BCAS1: variants seen among roughly 807,000 people sequenced by gnomAD.
The protein encoded by BCAS1 is brain enriched myelin associated protein 1, also known as breast carcinoma-amplified sequence 1.
In BCAS1, 46 loss-of-function variants were observed where a neutral mutation model predicts 65.4. The ratio of observed to expected loss-of-function variants is 0.70; its 90% confidence interval spans 0.55 to 0.90. The LOEUF is 0.90. Ranked by LOEUF, BCAS1 falls within the 40% of genes least tolerant of loss-of-function variation. The pLI is 0.00. For synonymous variants in BCAS1, 298 were observed against 293.5 expected, an observed-to-expected ratio of 1.02 and a Z score of -0.16; for missense variants, 793 against 771.2, an observed-to-expected ratio of 1.03 and a Z score of -0.33.
chr20:54,063,410 G>A (rs460317), intron 1 of BCAS1, among the ~76,000 whole-genome samples: 74,871 of 151,906 alleles, frequency 0.49, 20,077 homozygotes, highest in African/African-American at 0.72. Flanking sequence ...GGACTCTCAC[G>A]GGTATGATCC....
intron 8 of BCAS1, among the ~76,000 whole-genome samples, chr20:53,984,166 A>C (rs2090554023): frequency 6.6e-6 from 1 of 151,912 alleles, no homozygotes; most frequent in Non-Finnish European, 1.5e-5. Context: ...TATTTAACTA[A>C]AATTATTCAG....
At chr20:53,965,375 C>T (rs1445832321) in intron 10 of BCAS1, among the ~76,000 whole-genome samples, 2 of 152,324 alleles carry the variant, frequency 1.3e-5, no homozygotes, top group African/African-American at 4.8e-5. Context: ...ACTCCAAATA[C>T]TCCTGAAAAT....
chr20:53,996,030 T>C lies in BCAS1; in HGVS notation c.744A>G (p.Glu248=), dbSNP rs765665975. 26 of 1,604,586 alleles carry C rather than the reference T, an allele frequency of 1.6e-5. 1 individual carries two copies. The highest frequency in any genetic ancestry group is 5.2e-5 in the Admixed American group (3 of 58,232). ...PAGKDIVDGK[E]KEGQELGTAD... ...CAGTTCCAAGTTCTTGTCCTTCTTTTTCCTTGCCGTCAACTATGTCCTAGG... is the reference window on the plus strand; with the variant it reads ...CAGTTCCAAGTTCTTGTCCTTCTTTCTCCTTGCCGTCAACTATGTCCTAGG... The change falls in exon 5 of 13, where the codon GAA becomes GAG. Residue 248 remains glutamate (E), a synonymous_variant. Coordinates refer to ENST00000688948, the MANE Select transcript of BCAS1 (RefSeq NM_001366298.2).
chr20:53,947,867 A>G (rs1439859493), intron 12 of BCAS1, among the ~76,000 whole-genome samples: 1 of 152,118 alleles, frequency 6.6e-6, no homozygotes, highest in Non-Finnish European at 1.5e-5. Flanking sequence ...AATAATACTC[A>G]CAAAATAGCC....
rs1339947143 is a variant in BCAS1 at position 53,944,160 on chromosome 20, CA to C, written c.*761del. The C allele has an allele frequency of 1.3e-5, 2 of 152,118 alleles. No individual in the cohort carries two copies. The allele number at this position is 152,118 out of a possible 1,614,324, so 9.4% of individuals were successfully genotyped here. On this transcript the variant is annotated 3_prime_UTR_variant, in exon 13 of 13. Coordinates refer to ENST00000688948, the MANE Select transcript of BCAS1 (RefSeq NM_001366298.2). Reference sequence around the variant, plus strand: ...CATTCCGTTCTAGGAAATTGGCAACCACCCAACACAGCCCGGGTTCTCCCTC... The same window carrying C: ...CATTCCGTTCTAGGAAATTGGCAACCCCCAACACAGCCCGGGTTCTCCCTC...
intron 4 of BCAS1, among the ~76,000 whole-genome samples, chr20:54,024,433 T>C (rs1353856980): frequency 6.6e-6 from 1 of 152,146 alleles, no homozygotes; most frequent in Non-Finnish European, 1.5e-5. Context: ...AGATACTCAG[T>C]GAGCAGCCAA....
chr20:54,061,799 C>T (rs1475256814), intron 1 of BCAS1, among the ~76,000 whole-genome samples: 1 of 152,188 alleles, frequency 6.6e-6, no homozygotes, highest in African/African-American at 2.4e-5. Context: ...GTGACTCACA[C>T]ACTTGCATCA....
chr20:54,057,631 G>A (rs755814328), intron 3 of BCAS1, among the ~76,000 whole-genome samples: 9 of 152,220 alleles, frequency 5.9e-5, no homozygotes, highest in African/African-American at 7.2e-5. Context: ...AACCCCCTGT[G>A]AATGTGACCT....
chr20:53,959,791 A>C (rs1467771577), intron 10 of BCAS1, among the ~76,000 whole-genome samples: 1 of 152,248 alleles, frequency 6.6e-6, no homozygotes, highest in Non-Finnish European at 1.5e-5. Context: ...AACAAAGATC[A>C]GACTGTCCTC....
intron 11 of BCAS1, among the ~76,000 whole-genome samples, chr20:53,955,378 C>T (rs6091792): frequency 0.021 from 3,192 of 152,266 alleles, 83 homozygotes; most frequent in East Asian, 0.098. Flanking sequence ...TATGGATGTC[C>T]AAGTACAATA....
At chr20:54,011,049 T>C (rs530917717) in intron 4 of BCAS1, among the ~76,000 whole-genome samples, 1 of 152,282 alleles carries the variant, frequency 6.6e-6, no homozygotes, top group South Asian at 2.1e-4. Context: ...AGAACCTCAA[T>C]TTAAGTCTCA....
At chr20:54,004,907 G>A (rs2091147860) in intron 4 of BCAS1, among the ~76,000 whole-genome samples, 1 of 152,228 alleles carries the variant, frequency 6.6e-6, no homozygotes, top group African/African-American at 2.4e-5. Context: ...TAAAAGTGGG[G>A]TGATGAGTAG....
chr20:54,014,736 G>A (rs764442180), intron 4 of BCAS1, among the ~76,000 whole-genome samples: 2 of 152,150 alleles, frequency 1.3e-5, no homozygotes, highest in Admixed American at 6.5e-5. Context: ...CATGCTGCCT[G>A]GGATAAAAGG....
chr20:54,041,909 C>CAAAAAAAAAAAAAA (rs796435949), intron 3 of BCAS1, among the ~76,000 whole-genome samples: 2 of 79,762 alleles, frequency 2.5e-5, no homozygotes, highest in African/African-American at 5.4e-5. Context: ...CTGTCTCCCC[C>CAAAAAAAAAAAAAA]AAAAAAAAAA....
At position 54,028,552 on chromosome 20, in the gene BCAS1, G is replaced by A; in HGVS notation, c.563C>T (p.Pro188Leu). The A allele has an allele frequency of 6.2e-7, 1 of 1,614,136 alleles. No individual in the cohort carries two copies. Among genetic ancestry groups the A allele is most frequent in the Non-Finnish European group, 8.5e-7 (1 of 1,180,022 alleles). ...TTTGTCAAAAAAGCTGGAGTCCTTG[G>A]GCTTGGAGGGAGCTTCTCCTCCTGC... ...GGAGGEAPSK[P>L]KDSSFFDKFF... Residue 188 changes from proline (P) to leucine (L), a missense_variant, in exon 4 of 13, where the codon CCC becomes CTC. Physicochemically the swap from Pro to Leu is moderately conservative, Grantham distance 98. Coordinates refer to ENST00000688948, the MANE Select transcript of BCAS1 (RefSeq NM_001366298.2).
At chr20:53,996,817 C>A (rs2145856878) in intron 4 of BCAS1, among the ~76,000 whole-genome samples, 1 of 152,316 alleles carries the variant, frequency 6.6e-6, no homozygotes, top group African/African-American at 2.4e-5. Flanking sequence ...TGGAGTCAAG[C>A]CCAAACTCTG....
chr20:53,962,129 T>C (rs1311363231), intron 10 of BCAS1, among the ~76,000 whole-genome samples: 2 of 152,228 alleles, frequency 1.3e-5, no homozygotes, highest in African/African-American at 4.8e-5. Flanking sequence ...CAAATCAGTA[T>C]TAACATTTTA....
chr20:54,009,696 A>T (rs2091280003), intron 4 of BCAS1, among the ~76,000 whole-genome samples: 1 of 152,190 alleles, frequency 6.6e-6, no homozygotes, highest in Admixed American at 6.5e-5. Flanking sequence ...CAGAAGAGGG[A>T]ATGCTTACTA....
At chr20:54,051,582 T>C (rs970886296) in intron 3 of BCAS1, among the ~76,000 whole-genome samples, 2 of 152,214 alleles carry the variant, frequency 1.3e-5, no homozygotes, top group Non-Finnish European at 2.9e-5. Context: ...CCCCCAGTGA[T>C]GAATCCAGAG....
Sources: allele counts gnomAD v4.1 joint callset (sites outside exome capture counted in the v4.1 genomes callset), GRCh38; gene constraint gnomAD v4.1.1; transcripts MANE v1.5; gene names NCBI Gene and HGNC (gene_info 2026-07-23, HGNC 2026-07-21).